Variants in SYNPO observed in about 807,000 individuals in gnomAD.
The protein encoded by SYNPO is synaptopodin.
SYNPO carries 19 observed loss-of-function variants against 49.5 expected under a neutral mutation model. The ratio of observed to expected loss-of-function variants is 0.38; its 90% confidence interval spans 0.27 to 0.56. The LOEUF (loss-of-function observed/expected upper bound fraction) is 0.56, where lower values mean the gene tolerates loss of function less well. Ranked by LOEUF, SYNPO falls within the 20% of genes least tolerant of loss-of-function variation. The pLI is 0.68. For synonymous variants in SYNPO, 536 were observed against 548.0 expected, an observed-to-expected ratio of 0.98 and a Z score of 0.31; for missense variants, 1,131 against 1,248.3, an observed-to-expected ratio of 0.91 and a Z score of 1.42.
At chr5:150,599,205 G>A (rs1277820895), upstream of SYNPO, among the ~76,000 whole-genome samples, 2 of 152,232 alleles carry the variant, frequency 1.3e-5, no homozygotes, top group African/African-American at 4.8e-5. Flanking sequence ...TTAATATCAC[G>A]TGATGCTCAC....
chr5:150,588,743 C>A, the SYNPO span, among the ~76,000 whole-genome samples: 4 of 152,084 alleles, frequency 2.6e-5, no homozygotes, highest in East Asian at 5.8e-4. Flanking sequence ...TCTAATGAGG[C>A]CTTTGGACTT....
chr5:150,627,620 C>G (rs1757399051), intron 2 of SYNPO, among the ~76,000 whole-genome samples: 1 of 152,142 alleles, frequency 6.6e-6, no homozygotes, highest in Admixed American at 6.5e-5. Flanking sequence ...AAAAATAAGT[C>G]ATGCTGTTAA....
chr5:150,648,823 C>T lies in SYNPO; in HGVS notation c.548C>T (p.Pro183Leu), dbSNP rs370323025. Residue 183 changes from proline to leucine, a missense_variant, in exon 2 of 3, where the codon CCA becomes CTA. Physicochemically the swap from Pro to Leu is moderately conservative, Grantham distance 98 (BLOSUM62 -3). Coordinates refer to ENST00000307662, the MANE Select transcript of SYNPO (RefSeq NM_007286.6). This position sits in a 1 kb window ranked among gnomAD's most constrained non-coding sequence, Gnocchi z 5.0. ...ACGCTCATCCCCAGCTCCAGGCCCC[C>T]AGCCTCAGATTTCATGTCCAGCTCC... ...EATLIPSSRP[P>L]ASDFMSSSLL... The T allele has an allele frequency of 1.2e-6, 2 of 1,614,134 alleles. No individual in the cohort carries two copies. Among genetic ancestry groups the T allele is most frequent in the Non-Finnish European group, 1.7e-6 (2 of 1,180,050 alleles).
chr5:150,586,811 T>C, the SYNPO span, among the ~76,000 whole-genome samples: 2 of 152,138 alleles, frequency 1.3e-5, no homozygotes, highest in African/African-American at 4.8e-5. Context: ...CTTGAGTGGA[T>C]GTGGATGGGT....
intron 2 of SYNPO, among the ~76,000 whole-genome samples, chr5:150,622,297 C>T (rs1561640625): frequency 6.6e-6 from 1 of 152,156 alleles, no homozygotes; most frequent in African/African-American, 2.4e-5. Context: ...GAGGTCTGGG[C>T]CCATGCTTTT....
intron 1 of SYNPO, among the ~76,000 whole-genome samples, chr5:150,642,691 C>T (rs1031123124): frequency 6.6e-5 from 10 of 152,184 alleles, no homozygotes; most frequent in Non-Finnish European, 8.8e-5. Flanking sequence ...TGAAGGGTGG[C>T]GAAAATCATC....
chr5:150,612,521 AT>A (rs1756877222), intron 1 of SYNPO, among the ~76,000 whole-genome samples: 1 of 152,150 alleles, frequency 6.6e-6, no homozygotes, highest in African/African-American at 2.4e-5. Flanking sequence ...AGCCTTATGG[AT>A]AAGAGTGACA....
At chr5:150,608,696 C>G (rs550130691) in intron 1 of SYNPO, among the ~76,000 whole-genome samples, 12 of 152,078 alleles carry the variant, frequency 7.9e-5, no homozygotes, top group African/African-American at 2.9e-4. Flanking sequence ...AACCTACCTG[C>G]GCATAGGAAC....
chr5:150,648,557 C>T lies in SYNPO; in HGVS notation c.282C>T (p.Thr94=), dbSNP rs753932064. The change falls in exon 2 of 3, where the codon ACC becomes ACT. Residue 94 remains threonine, a synonymous_variant. Transcript: ENST00000307662. The surrounding 1 kb of genome is among the most constrained non-coding windows in gnomAD (Gnocchi z 5.0). ...TSNSSHNPPA[T]DVNQNPPATV... ...ACAGCAGCCACAATCCGCCAGCCAC[C>T]GATGTCAATCAGAACCCACCGGCAA... The T allele has an allele frequency of 7.4e-6, 12 of 1,614,178 alleles. No individual in the cohort carries two copies. Among genetic ancestry groups the T allele is most frequent in the African/African-American group, 2.7e-5 (2 of 75,040 alleles).
intron 2 of SYNPO, among the ~76,000 whole-genome samples, chr5:150,655,216 G>A (rs1182905554): frequency 6.6e-6 from 1 of 152,196 alleles, no homozygotes; most frequent in Non-Finnish European, 1.5e-5. Flanking sequence ...TATATAAAAA[G>A]TAATATATTA....
At chr5:150,638,107 G>T (rs1440364321), upstream of SYNPO, among the ~76,000 whole-genome samples, 1 of 152,014 alleles carries the variant, frequency 6.6e-6, no homozygotes, top group African/African-American at 2.4e-5. Context: ...TAGGGGAGTG[G>T]GGTGGGGGTT....
At chr5:150,602,997 GGTGTGTGTGTGTGT>G (rs3062133) in intron 1 of SYNPO, among the ~76,000 whole-genome samples, 17 of 131,250 alleles carry the variant, frequency 1.3e-4, no homozygotes, top group African/African-American at 2.4e-4. Context: ...GCCACCTTAG[GGTGTGTGTGTGTGT>G]GTGTGTGTGT....
chr5:150,612,477 C>T lies in SYNPO; in HGVS notation c.-265-5626C>T, dbSNP rs544398602. Reference sequence around the variant, plus strand: ...TCATTCGTTCATCTTTTCATTCTTTCGCTCAGCAACTACTTATACCATTGA... The same window carrying T: ...TCATTCGTTCATCTTTTCATTCTTTTGCTCAGCAACTACTTATACCATTGA... On this transcript the variant is annotated intron_variant, in intron 1 of 2. Transcript: ENST00000394243. Among the ~76,000 whole-genome samples the T allele has an allele frequency of 3.3e-5, 5 of 152,334 alleles. No homozygotes were observed. In the South Asian group the frequency reaches 6.2e-4, roughly 19 times the overall value.
intron 2 of SYNPO, among the ~76,000 whole-genome samples, chr5:150,622,289 G>A (rs1484635025): frequency 6.6e-6 from 1 of 152,228 alleles, no homozygotes; most frequent in Non-Finnish European, 1.5e-5. Flanking sequence ...AACCCCAGGA[G>A]GTCTGGGCCC....
chr5:150,650,770 TCA>T, intron 2 of SYNPO: 2 of 1,274,088 alleles, frequency 1.6e-6, no homozygotes, highest in Non-Finnish European at 2.0e-6. Flanking sequence ...GTCTGCCTCC[TCA>T]GCTGCCCCAG....
At position 150,656,983 on chromosome 5, in the gene SYNPO, A is replaced by G. The variant is rs1370949637; in HGVS notation, c.2608A>G (p.Lys870Glu). 1.3e-6 allele frequency: 2 copies of G among 1,598,342 alleles called. No individual in the cohort carries two copies. The highest frequency in any genetic ancestry group is 2.3e-5 in the South Asian group (2 of 88,176). Residue 870 changes from lysine (K) to glutamate (E), a missense_variant, in exon 3 of 3, where the codon AAG becomes GAG. By Grantham distance (56) the Lys-to-Glu change is moderately conservative (BLOSUM62 1). Transcript: ENST00000307662. ...CCTCGACTCCGAGGACTCCGGGGCT[A>G]AGTCTCCAGGCATCCTGGGCTACAA... is the stretch of plus-strand genomic sequence containing the variant. ...VSLDSEDSGA[K>E]SPGILGYNIC...
Position 150,650,361 on chromosome 5 carries a change from TCAA to T in SYNPO, c.2028+59_2028+61del, listed in dbSNP as rs771632481. 4,291 of 1,609,686 alleles carry T rather than the reference TCAA, an allele frequency of 2.7e-3. 11 individuals carry two copies. The highest frequency in any genetic ancestry group is 3.4e-3 in the Non-Finnish European group (4,060 of 1,177,866). ...AACCCCACGGGGGTCCCACTGCCGG[TCAA>T]GTTCCCCTCCTTGAGGGCCAGATGG... On this transcript the variant is annotated intron_variant, in intron 2 of 2. Transcript: ENST00000307662.
At position 150,648,655 on chromosome 5, in the gene SYNPO, G is replaced by A. The variant is rs376253597; in HGVS notation, c.380G>A (p.Gly127Asp). The change falls in exon 2 of 3, where the codon GGC (glycine) becomes GAC (aspartate). Residue 127 changes from glycine (G) to aspartate (D), a missense_variant. Gly to Asp is a moderately conservative substitution (Grantham distance 94, BLOSUM62 -1). Transcript: ENST00000307662. The surrounding 1 kb of genome is among the most constrained non-coding windows in gnomAD (Gnocchi z 5.0). ...TCAGAGGCCCAACTCCCATCTAATG[G>A]CACAGGGCCTGCTTCCAAACCCAGC... is the stretch of plus-strand genomic sequence containing the variant. ...NSSEAQLPSNGTGPASKPSTL... is the reference protein window; with the variant it reads ...NSSEAQLPSNDTGPASKPSTL... The A allele has an allele frequency of 2.2e-5, 36 of 1,614,156 alleles. No individual in the cohort carries two copies. The highest frequency in any genetic ancestry group is 3.0e-5 in the Non-Finnish European group (35 of 1,180,038).
chr5:150,622,592 A>T (rs1372476852), intron 2 of SYNPO, among the ~76,000 whole-genome samples: 1 of 152,024 alleles, frequency 6.6e-6, no homozygotes, highest in African/African-American at 2.4e-5. Context: ...TGGGGTGGGG[A>T]GGGGTGTGGG....
Sources: allele counts gnomAD v4.1 joint callset (sites outside exome capture counted in the v4.1 genomes callset), GRCh38; gene constraint gnomAD v4.1.1; non-coding constraint Gnocchi (gnomAD v3.1); transcripts MANE v1.5; gene names NCBI Gene and HGNC (gene_info 2026-07-23, HGNC 2026-07-21).